ARNT2: variants seen among roughly 807,000 people sequenced by gnomAD.
ARNT2 encodes the protein ARNT protein 2.
In ARNT2, 36 loss-of-function variants were observed where a neutral mutation model predicts 91.7. The ratio of observed to expected loss-of-function variants is 0.39; its 90% confidence interval spans 0.30 to 0.52. The LOEUF (loss-of-function observed/expected upper bound fraction) is 0.52, where lower values mean the gene tolerates loss of function less well. Ranked by LOEUF, ARNT2 falls within the 20% of genes least tolerant of loss-of-function variation. The probability of loss-of-function intolerance (pLI) is 0.72; values close to 1 mark genes in which losing one functional copy is unlikely to be tolerated. For synonymous variants in ARNT2, 365 were observed against 347.1 expected (o/e 1.05, Z -0.57); for missense variants, 775 against 939.3 (o/e 0.83, Z 2.29).
intron 4 of ARNT2, among the ~76,000 whole-genome samples, chr15:80,474,220 G>A (rs573588257): frequency 6.6e-6 from 1 of 152,146 alleles, no homozygotes; most frequent in Non-Finnish European, 1.5e-5. Context: ...TAATATCAAG[G>A]CTTCCTGCTG....
intron 12 of ARNT2, among the ~76,000 whole-genome samples, chr15:80,566,554 A>T (rs1367721393): frequency 6.6e-6 from 1 of 151,932 alleles, no homozygotes; most frequent in African/African-American, 2.4e-5. Context: ...TGTCTGGCCA[A>T]CCCACCAAAG....
intron 2 of ARNT2, among the ~76,000 whole-genome samples, chr15:80,457,449 T>C (rs537235865): frequency 8.5e-5 from 13 of 152,336 alleles, no homozygotes; most frequent in Non-Finnish European, 1.8e-4. Flanking sequence ...TTGTGATCCC[T>C]TCACCCTGAA....
At chr15:80,470,784 A>G (rs962038829) in intron 4 of ARNT2, among the ~76,000 whole-genome samples, 1 of 152,240 alleles carries the variant, frequency 6.6e-6, no homozygotes, top group Non-Finnish European at 1.5e-5. Context: ...AAAAATCTCC[A>G]CATCACTGAT....
intron 5 of ARNT2, among the ~76,000 whole-genome samples, chr15:80,491,908 C>A (rs1300064750): frequency 2.0e-5 from 3 of 148,592 alleles, no homozygotes. Flanking sequence ...TTGGCTGAAT[C>A]ACAGTACCTT....
rs991502346 is a variant in ARNT2, at chr15:80,591,802, C to T, written c.2055+98C>T. 150 of 1,551,912 alleles carry T rather than the reference C, an allele frequency of 9.7e-5. No homozygotes were observed. The highest frequency in any genetic ancestry group is 1.6e-4 in the South Asian group (13 of 81,906). On this transcript the variant is annotated intron_variant, in intron 18 of 18. Coordinates refer to ENST00000303329, the MANE Select transcript of ARNT2 (RefSeq NM_014862.4). The surrounding 1 kb of genome is among the most constrained non-coding windows in gnomAD (Gnocchi z 5.1). ...GCCGCACCACCGCCTGCCCGATAGC[C>T]GTCGTGAGTTCTGGCCCAGCCTGGG...
chr15:80,410,419 G>T (rs969097470), intron 1 of ARNT2, among the ~76,000 whole-genome samples: 1 of 152,174 alleles, frequency 6.6e-6, no homozygotes, highest in African/African-American at 2.4e-5. Flanking sequence ...GGCCTGTGGG[G>T]TGTGCTCCAG....
chr15:80,514,426 A>C, intron 8 of ARNT2, 21 bp downstream of exon 8: 1 of 1,609,336 alleles, frequency 6.2e-7, no homozygotes, highest in Non-Finnish European at 8.5e-7. Context: ...CTGCATGTAA[A>C]TTCCACGGGA....
chr15:80,503,187 G>A (rs1481289411), intron 5 of ARNT2, among the ~76,000 whole-genome samples: 1 of 152,190 alleles, frequency 6.6e-6, no homozygotes, highest in Non-Finnish European at 1.5e-5. Context: ...CCGGTAGTAA[G>A]CAAACCCAGC....
chr15:80,511,392 G>A lies in ARNT2; in HGVS notation c.726-2519G>A, dbSNP rs1897339074. ...GACTTTCAGAGGGTGGAGGGTGGGA[G>A]GAGGAAGAACATCAGGAAAAATAAC... On this transcript the variant is annotated intron_variant, in intron 6 of 18. Coordinates refer to ENST00000303329, the MANE Select transcript of ARNT2 (RefSeq NM_014862.4). 1.3e-5 allele frequency among the ~76,000 whole-genome samples: 2 copies of A among 152,102 alleles called. 1 individual carries two copies. Among genetic ancestry groups the A allele is most frequent in the South Asian group, 4.1e-4 (2 of 4,832 alleles).
chr15:80,503,926 G>A (rs73496310), intron 5 of ARNT2, among the ~76,000 whole-genome samples: 3,019 of 152,346 alleles, frequency 0.02, 81 homozygotes, highest in African/African-American at 0.07. Flanking sequence ...AGAAGGGAAG[G>A]CTGCAAGTGT....
chr15:80,581,145 C>G (rs761131330), intron 16 of ARNT2, 94 bp from the exon 17 acceptor site: 1 of 1,458,834 alleles, frequency 6.9e-7, no homozygotes. Context: ...CAACCCAGAG[C>G]AGGCACTGCC....
At chr15:80,419,633 C>A (rs1895833837) in intron 1 of ARNT2, among the ~76,000 whole-genome samples, 1 of 152,218 alleles carries the variant, frequency 6.6e-6, no homozygotes, top group Non-Finnish European at 1.5e-5. Context: ...CTGGCATTGA[C>A]ATGGCATGGT....
At chr15:80,521,722 C>T (rs1374219741) in intron 8 of ARNT2, among the ~76,000 whole-genome samples, 3 of 151,960 alleles carry the variant, frequency 2.0e-5, no homozygotes, top group East Asian at 1.9e-4. Context: ...TAAAACGTTT[C>T]GTAGAATGTT....
chr15:80,409,033 G>A (rs1895645019), intron 1 of ARNT2, among the ~76,000 whole-genome samples: 1 of 152,100 alleles, frequency 6.6e-6, no homozygotes, highest in Non-Finnish European at 1.5e-5. Context: ...TTCCCCAGCA[G>A]AGTAGTACAT....
intron 8 of ARNT2, among the ~76,000 whole-genome samples, chr15:80,530,543 A>G (rs577505000): frequency 2.0e-5 from 3 of 152,152 alleles, no homozygotes; most frequent in African/African-American, 7.2e-5. Flanking sequence ...TGCCTGAACC[A>G]TATATTTCAA....
At chr15:80,567,473 C>T (rs189980973) in intron 12 of ARNT2, among the ~76,000 whole-genome samples, 7 of 152,202 alleles carry the variant, frequency 4.6e-5, no homozygotes, top group Admixed American at 2.6e-4. Flanking sequence ...AAGGGGCAGA[C>T]GGGAGGGACA....
chr15:80,483,617 G>T (rs567957791), intron 5 of ARNT2, among the ~76,000 whole-genome samples: 22 of 152,202 alleles, frequency 1.4e-4, no homozygotes, highest in Admixed American at 2.6e-4. Context: ...ACCAGGGTCC[G>T]CACCAAGTTT....
chr15:80,555,220 T>G, intron 11 of ARNT2, 81 bp downstream of exon 11: 1 of 1,468,430 alleles, frequency 6.8e-7, no homozygotes, highest in South Asian at 1.2e-5. Flanking sequence ...TTAGTCCTAC[T>G]ATGTGCCAGG....
chr15:80,502,830 G>A lies in ARNT2; in HGVS notation c.623-5326G>A, dbSNP rs559363752. Among the ~76,000 whole-genome samples, 7 of 152,278 alleles carry A rather than the reference G, an allele frequency of 4.6e-5. No individual in the cohort carries two copies. The East Asian group carries it at 9.6e-4, about 21-fold the overall frequency. On this transcript the variant is annotated intron_variant, in intron 5 of 18. Transcript: ENST00000303329. ...TAGGAGGGAAAGGAGCAGGGGGCTT[G>A]GATCAAGGGTGAAGAGTACACATAG...
Sources: gnomAD v4.1 joint callset for allele counts (sites outside exome capture counted in the v4.1 genomes callset) on GRCh38, gnomAD v4.1.1 for gene constraint, Gnocchi (gnomAD v3.1) non-coding constraint, MANE v1.5 for transcripts, NCBI Gene and HGNC (gene_info 2026-07-23, HGNC 2026-07-21) for gene names.